The following TXNRD2 variants were observed in gnomAD, a reference collection of about 807,000 sequenced individuals.
TXNRD2 encodes the protein thioredoxin reductase 2, mitochondrial.
Under a neutral mutation model 70.8 loss-of-function variants are expected in TXNRD2, and 67 were observed. That is an observed-to-expected ratio of 0.95 (90% confidence interval 0.78 to 1.16). The LOEUF is 1.16. Among genes scored for constraint, TXNRD2 ranks in the 50% most tolerant of loss-of-function variants. The probability of loss-of-function intolerance (pLI) is 0.00; values close to 1 mark genes in which losing one functional copy is unlikely to be tolerated. For missense variants in TXNRD2, 644 were observed against 719.9 expected (o/e 0.89, Z 1.21); for synonymous variants, 301 against 295.8 (o/e 1.02, Z -0.18).
rs78636835 is a variant in TXNRD2 at position 19,881,478 on chromosome 22, G to A, written c.1087-761C>T. The stretch of plus-strand genomic sequence containing the variant: ...CCACAGGCTCTTCCCAGCCGCTCAA[G>A]GGACCACTGGTTGGGTGTTAACTCT... On this transcript the variant is annotated intron_variant, in intron 12 of 17. Coordinates refer to ENST00000400521, the MANE Select transcript of TXNRD2 (RefSeq NM_006440.5). The A allele has an allele frequency of 1.6e-3, 280 of 175,094 alleles. 2 individuals are homozygous for A. Among genetic ancestry groups the A allele is most frequent in the African/African-American group, 6.4e-3 (271 of 42,544 alleles). 10.8% of individuals were successfully genotyped at this position (175,094 alleles called of 1,614,324 possible). A position where few individuals can be genotyped will look rare whatever the true frequency, so the allele number is the denominator to read the frequency against.
At chr22:19,879,887 G>T (rs1938683373) in intron 14 of TXNRD2, among the ~76,000 whole-genome samples, 1 of 152,102 alleles carries the variant, frequency 6.6e-6, no homozygotes, top group Admixed American at 6.5e-5. Context: ...TGGGCCACAG[G>T]GCTTCTCCTT....
At chr22:19,929,093 C>G (rs1377056720) in intron 2 of TXNRD2, among the ~76,000 whole-genome samples, 1 of 151,142 alleles carries the variant, frequency 6.6e-6, no homozygotes, top group African/African-American at 2.4e-5. Flanking sequence ...TTTGGGAGGC[C>G]GAGGTGGGTG....
chr22:19,899,137 G>A, intron 8 of TXNRD2, 69 bp from the exon 9 acceptor site: 1 of 1,596,020 alleles, frequency 6.3e-7, no homozygotes, highest in South Asian at 1.1e-5. Context: ...AGTCAGAGCA[G>A]AACCCCGCAG....
intron 11 of TXNRD2, among the ~76,000 whole-genome samples, chr22:19,890,997 G>GA (rs2145957976): frequency 6.6e-6 from 1 of 152,316 alleles, no homozygotes; most frequent in Admixed American, 6.5e-5. Context: ...CCACGTGGGG[G>GA]AGACTATACA....
intron 11 of TXNRD2, chr22:19,893,968 T>C (rs766130061): frequency 7.9e-5 from 12 of 152,294 alleles, no homozygotes; most frequent in African/African-American, 2.9e-4. Context: ...TGCACACCCA[T>C]GTTCACAGCA....
intron 8 of TXNRD2, among the ~76,000 whole-genome samples, chr22:19,905,563 A>G (rs1406857555): frequency 1.3e-5 from 2 of 152,164 alleles, no homozygotes; most frequent in Admixed American, 6.5e-5. Flanking sequence ...AGGCACAACG[A>G]GGGTGGTGAA....
At chr22:19,897,004 C>T (rs1019969194) in intron 10 of TXNRD2, among the ~76,000 whole-genome samples, 4 of 152,192 alleles carry the variant, frequency 2.6e-5, no homozygotes, top group African/African-American at 9.7e-5. Flanking sequence ...TGCCTGGGCA[C>T]GGCCCCCATT....
rs190301927 is a variant in TXNRD2, at chr22:19,878,405, G to T, written c.1308C>A (p.Phe436Leu). ...GGGATGCATCTCGTCCAGCCACCGT[G>T]AACTCCAGTGGTTTATAATGGGCGT... is the stretch of plus-strand genomic sequence containing the variant. ...VYHAHYKPLE[F>L]TVAGRDASQC... is the part of the protein sequence containing the mutation. Residue 436 changes from phenylalanine to leucine, a missense_variant, in exon 15 of 18, where the codon TTC (phenylalanine) becomes TTA (leucine). Phe to Leu is a conservative substitution (Grantham distance 22, BLOSUM62 0). This residue lies in a region of TXNRD2 where 566 missense variants were observed against 645.0 expected (regional missense o/e 0.88). Transcript: ENST00000400521. The T allele has an allele frequency of 6.2e-7, 1 of 1,613,832 alleles. No homozygotes were observed. Among genetic ancestry groups the T allele is most frequent in the South Asian group, 1.1e-5 (1 of 91,088 alleles).
chr22:19,918,711 C>A (rs1423777091), intron 4 of TXNRD2, 149 bp downstream of exon 4: 7 of 971,612 alleles, frequency 7.2e-6, no homozygotes, highest in Non-Finnish European at 1.1e-5. Flanking sequence ...TCCCAAATGT[C>A]TGAGGCAGAC....
At chr22:19,921,738 C>T (rs1419991161) in intron 2 of TXNRD2, among the ~76,000 whole-genome samples, 1 of 152,158 alleles carries the variant, frequency 6.6e-6, no homozygotes, top group South Asian at 2.1e-4. Context: ...GAGGAGGGGG[C>T]TGCCCAGAGA....
In TXNRD2 at chr22:19,878,385, G is replaced by A; in HGVS notation, c.1328C>T (p.Ala443Val). 1.2e-6 allele frequency: 2 copies of A among 1,613,842 alleles called. No individual in the cohort carries two copies. The highest frequency in any genetic ancestry group is 1.7e-6 in the Non-Finnish European group (2 of 1,180,034). ...PLEFTVAGRD[A>V]SQCYVKMVCL... ...GCTCACCTTTACATAACACTGGGAT[G>A]CATCTCGTCCAGCCACCGTGAACTC... Residue 443 changes from alanine (A) to valine (V), a missense_variant, in exon 15 of 18, where the codon GCA (alanine) becomes GTA (valine). By Grantham distance (64) the Ala-to-Val change is moderately conservative. Coordinates refer to ENST00000400521, the MANE Select transcript of TXNRD2 (RefSeq NM_006440.5).
intron 1 of TXNRD2, among the ~76,000 whole-genome samples, chr22:19,935,883 T>C (rs5746848): frequency 0.52 from 79,105 of 151,592 alleles, 20,780 homozygotes; most frequent in East Asian, 0.69. Context: ...AATGCTTGTT[T>C]GGCTCCCCAA....
intron 8 of TXNRD2, among the ~76,000 whole-genome samples, chr22:19,910,478 C>T (rs1316220473): frequency 6.6e-6 from 1 of 152,192 alleles, no homozygotes; most frequent in East Asian, 1.9e-4. Flanking sequence ...CTCCTGGGAA[C>T]CCCATTTGAC....
intron 4 of TXNRD2, 147 bp downstream of exon 4, chr22:19,918,713 G>C: frequency 1.0e-6 from 1 of 980,866 alleles, no homozygotes; most frequent in Non-Finnish European, 1.6e-6. Flanking sequence ...CCAAATGTCT[G>C]AGGCAGACAG....
At chr22:19,887,035 C>A (rs1939063949) in intron 11 of TXNRD2, among the ~76,000 whole-genome samples, 1 of 152,228 alleles carries the variant, frequency 6.6e-6, no homozygotes, top group Non-Finnish European at 1.5e-5. Flanking sequence ...CTCTGTCATG[C>A]TGCTTTAATT....
intron 2 of TXNRD2, among the ~76,000 whole-genome samples, chr22:19,925,523 T>C (rs1246489542): frequency 1.3e-5 from 2 of 151,774 alleles, no homozygotes; most frequent in Non-Finnish European, 2.9e-5. Flanking sequence ...TTAAGTATAT[T>C]TTAAACAAAA....
In TXNRD2 at chr22:19,895,653, C is replaced by T; in HGVS notation, c.775-72G>A. ...AGAGAGGCTCTGGCCCTGCCCTGCT[C>T]TCGAAGGCCTCAATGAAGGGCGGAG... On this transcript the variant is annotated intron_variant, in intron 10 of 17. Transcript: ENST00000400521. The T allele has an allele frequency of 1.9e-6, 3 of 1,565,396 alleles. No homozygotes were observed. In the South Asian group the frequency reaches 3.4e-5, roughly 18 times the overall value.
chr22:19,907,336 C>T (rs1457644603), intron 8 of TXNRD2, among the ~76,000 whole-genome samples: 1 of 23,348 alleles, frequency 4.3e-5, no homozygotes, highest in Non-Finnish European at 8.1e-5. Flanking sequence ...GTGTGGGCAC[C>T]GTAAGTAGCA....
intron 2 of TXNRD2, among the ~76,000 whole-genome samples, chr22:19,920,915 A>G (rs930686218): frequency 3.9e-5 from 6 of 152,132 alleles, no homozygotes; most frequent in African/African-American, 1.4e-4. Flanking sequence ...ATCCTGGCTA[A>G]CACGGTGAAA....
Sources: gnomAD v4.1 joint callset for allele counts (sites outside exome capture counted in the v4.1 genomes callset) on GRCh38, gnomAD v4.1.1 for gene constraint, gnomAD v4.1.1 regional missense constraint, MANE v1.5 for transcripts, NCBI Gene and HGNC (gene_info 2026-07-23, HGNC 2026-07-21) for gene names.